SELENOP: variants seen among roughly 807,000 people sequenced by gnomAD.
SELENOP encodes the protein selenoprotein P, plasma, 1.
SELENOP carries 36 observed loss-of-function variants against 41.0 expected under a neutral mutation model. That is an observed-to-expected ratio of 0.88 (90% CI 0.67 to 1.16). SELENOP has a LOEUF of 1.16. SELENOP is among the 50% of genes most tolerant of loss of function. SELENOP has a pLI of 0.00. For missense variants in SELENOP, 440 were observed against 454.2 expected, an observed-to-expected ratio of 0.97 and a Z score of 0.28; for synonymous variants, 144 against 150.8, an observed-to-expected ratio of 0.95 and a Z score of 0.33.
chr5:42,801,714 G>A (rs773492567), intron 4 of SELENOP: 17 of 232,378 alleles, frequency 7.3e-5, no homozygotes, highest in Non-Finnish European at 1.1e-4. Context: ...CTCAGGAGTC[G>A]GAGACCAGCC....
At chr5:42,810,821 C>T in intron 1 of SELENOP, 2 of 1,008,450 alleles carry the variant, frequency 2.0e-6, no homozygotes, top group South Asian at 3.7e-5. Context: ...CACTCATTTC[C>T]CTCATTTAGG....
Position 42,800,672 on chromosome 5 carries a change from T to C in SELENOP, c.*48A>G. 6.6e-7 allele frequency: 1 copy of C among 1,513,054 alleles called. No individual in the cohort carries two copies. Among genetic ancestry groups the C allele is most frequent in the Non-Finnish European group, 8.8e-7 (1 of 1,131,520 alleles). 93.7% of individuals were successfully genotyped at this position (1,513,054 alleles called of 1,614,324 possible). ...TGGTAGTTTATAAAAATGCTGGAAA[T>C]GAAATTGTGTCTAGACTAAATTGGG... is the stretch of plus-strand genomic sequence containing the variant. On this transcript the variant is annotated 3_prime_UTR_variant, in exon 5 of 5. Coordinates refer to ENST00000514985, the MANE Select transcript of SELENOP (RefSeq NM_005410.4).
rs751175304 is a variant in SELENOP, at chr5:42,804,765, C to T, written c.425G>A (p.Arg142His). Residue 142 changes from arginine (R) to histidine (H), a missense_variant, in exon 4 of 5, where the codon CGT (arginine) becomes CAT (histidine). Transcript: ENST00000514985. ...DDFLIYDRCGRLVYHLGLPFS... is the reference protein window; with the variant it reads ...DDFLIYDRCGHLVYHLGLPFS... ...AGGCAAACCAAGATGATATACAAGA[C>T]GGCCACATCTAAGAAAAAGGACAAA... 5.7e-6 allele frequency: 9 copies of T among 1,576,180 alleles called. No individual in the cohort carries two copies. Among genetic ancestry groups the T allele is most frequent in the East Asian group, 2.3e-5 (1 of 44,402 alleles).
At chr5:42,803,530 GTTAAAAATT>G (rs1450893036) in intron 4 of SELENOP, among the ~76,000 whole-genome samples, 1 of 151,988 alleles carries the variant, frequency 6.6e-6, no homozygotes, top group African/African-American at 2.4e-5. Flanking sequence ...AATTAAATTC[GTTAAAAATT>G]TGAGGCGGCT....
chr5:42,803,291 G>T (rs993807952), intron 4 of SELENOP, among the ~76,000 whole-genome samples: 28 of 152,082 alleles, frequency 1.8e-4, no homozygotes, highest in African/African-American at 6.3e-4. Context: ...GAGAAATGCA[G>T]AAATAATCCC....
rs1053743082 is a variant in SELENOP, at chr5:42,800,127, A to G, written c.*593T>C. ...AGAAGAGTATGATACAACATTAGAGAAAGAAAGATACAAAGGCTTTATTCA... is the reference window on the plus strand; with the variant it reads ...AGAAGAGTATGATACAACATTAGAGGAAGAAAGATACAAAGGCTTTATTCA... On this transcript the variant is annotated 3_prime_UTR_variant, in exon 5 of 5. Coordinates refer to ENST00000514985, the MANE Select transcript of SELENOP (RefSeq NM_005410.4). The G allele has an allele frequency of 1.6e-5, 3 of 184,256 alleles. No homozygotes were observed. Among genetic ancestry groups the G allele is most frequent in the East Asian group, 3.1e-4 (2 of 6,434 alleles). 11.4% of individuals were successfully genotyped at this position (184,256 alleles called of 1,614,324 possible).
intron 4 of SELENOP, among the ~76,000 whole-genome samples, chr5:42,802,911 T>G (rs1760244676): frequency 6.6e-6 from 1 of 152,136 alleles, no homozygotes; most frequent in East Asian, 1.9e-4. Flanking sequence ...ACCCTGCCAG[T>G]AGTCTAATTT....
At position 42,808,251 on chromosome 5, in the gene SELENOP, T is replaced by G; in HGVS notation, c.103A>C (p.Ser35Arg). The G allele has an allele frequency of 6.3e-7, 1 of 1,577,264 alleles. No homozygotes were observed. Among genetic ancestry groups the G allele is most frequent in the East Asian group, 2.4e-5 (1 of 42,066 alleles). The change falls in exon 2 of 5, where the codon AGC (serine) becomes CGC (arginine). Residue 35 changes from serine to arginine, a missense_variant. Coordinates refer to ENST00000514985, the MANE Select transcript of SELENOP (RefSeq NM_005410.4). The part of the protein sequence containing the change: ...SSLCKQPPAW[S>R]IRDQDPMLNS... ...AGCATTGGATCTTGATCTCTTATGCTCCAGGCTGGGGGTTGCTTACATAAG... is the reference window on the plus strand; with the variant it reads ...AGCATTGGATCTTGATCTCTTATGCGCCAGGCTGGGGGTTGCTTACATAAG...
At chr5:42,807,945 T>A (rs1184586040) in intron 2 of SELENOP, 3 of 340,110 alleles carry the variant, frequency 8.8e-6, no homozygotes, top group African/African-American at 4.2e-5. Context: ...GAAGAAAAAA[T>A]TTCCATAACC....
intron 1 of SELENOP, chr5:42,809,789 CTA>C (rs959469650): frequency 1.0e-6 from 1 of 957,558 alleles, no homozygotes; most frequent in Non-Finnish European, 1.2e-6. Flanking sequence ...AAGAACTTAA[CTA>C]GAGAGAGTGA....
chr5:42,808,118 A>T (rs771654442), intron 2 of SELENOP, 33 bp downstream of exon 2: 1 of 1,172,922 alleles, frequency 8.5e-7, no homozygotes, highest in Non-Finnish European at 1.2e-6. Context: ...CCTTCCCCTT[A>T]AGGTATTTTA....
At chr5:42,801,516 T>C in intron 4 of SELENOP, 185 bp from the exon 5 acceptor site, 1 of 537,830 alleles carries the variant, frequency 1.9e-6, no homozygotes, top group Non-Finnish European at 3.2e-6. Flanking sequence ...ATTAAAGGCT[T>C]AAAAAGAAAG....
Position 42,806,934 on chromosome 5 carries a change from A to G in SELENOP, c.378T>C (p.Leu126=), listed in dbSNP as rs1463347341. The change falls in exon 3 of 5, where the codon CTT becomes CTC. Residue 126 remains leucine (L), a synonymous_variant. Transcript: ENST00000514985. ...QEENQTDVWT[L]LNGSKDDFLI... is the part of the protein sequence containing the mutation. ...GGAAGTCATCTTTGCTTCCATTTAA[A>G]AGAGTCCAGACATCTGTTTGGTTTT... 6.2e-7 allele frequency: 1 copy of G among 1,611,278 alleles called. No individual in the cohort carries two copies.
Position 42,804,692 on chromosome 5 carries a change from A to T in SELENOP, c.498T>A (p.Ala166=). 5 of 1,607,200 alleles carry T rather than the reference A, an allele frequency of 3.1e-6. No individual in the cohort carries two copies. The highest frequency in any genetic ancestry group is 4.3e-6 in the Non-Finnish European group (5 of 1,175,208). Residue 166 remains alanine (A), a synonymous_variant, in exon 4 of 5, where the codon GCT becomes GCA. Transcript: ENST00000514985. ...AGTTTCCACATTTCTTTTCACAGTA[A>T]GCAATCTTAATGGCTTCTTCTACAT... ...FPYVEEAIKI[A]YCEKKCGNCS... is the part of the protein sequence containing the mutation.
chr5:42,808,476 C>T lies in SELENOP; in HGVS notation c.-13-110G>A, dbSNP rs566211398. The T allele has an allele frequency of 5.9e-5, 24 of 405,478 alleles. No homozygotes were observed. The South Asian group carries it at 2.5e-3, about 43-fold the overall frequency. 25.1% of individuals were successfully genotyped at this position (405,478 alleles called of 1,614,324 possible). A position where few individuals can be genotyped will look rare whatever the true frequency, so the allele number is the denominator to read the frequency against. ...TTCCACTTCCTAAAAATACCTAGCC[C>T]ATGAATTCTGTCTCCAGAAAGTTAT... is the stretch of plus-strand genomic sequence containing the variant. On this transcript the variant is annotated intron_variant, in intron 1 of 4. Coordinates refer to ENST00000514985, the MANE Select transcript of SELENOP (RefSeq NM_005410.4).
intron 4 of SELENOP, 33 bp from the exon 5 acceptor site, chr5:42,801,364 GC>G (rs771705142): frequency 6.7e-7 from 1 of 1,486,402 alleles, no homozygotes; most frequent in Non-Finnish European, 9.1e-7. Flanking sequence ...TTTTTAACAA[GC>G]TTATAGAGAT....
intron 3 of SELENOP, chr5:42,805,725 G>A (rs1272496034): frequency 3.9e-5 from 6 of 152,146 alleles, no homozygotes; most frequent in African/African-American, 1.4e-4. Flanking sequence ...GGTTAGAATT[G>A]TACAGGATAT....
At chr5:42,809,440 T>G (rs374811174) in intron 1 of SELENOP, among the ~76,000 whole-genome samples, 15 of 152,298 alleles carry the variant, frequency 9.8e-5, no homozygotes, top group African/African-American at 3.6e-4. Flanking sequence ...AGGAACACAT[T>G]CAGCAGAGAG....
chr5:42,802,843 T>A (rs1024598842), intron 4 of SELENOP, among the ~76,000 whole-genome samples: 17 of 152,198 alleles, frequency 1.1e-4, no homozygotes, highest in Non-Finnish European at 8.8e-5. Context: ...TCTATTGACC[T>A]CGTGATTCAT....
Sources: allele counts gnomAD v4.1 joint callset (sites outside exome capture counted in the v4.1 genomes callset), GRCh38; gene constraint gnomAD v4.1.1; transcripts MANE v1.5; gene names NCBI Gene and HGNC (gene_info 2026-07-23, HGNC 2026-07-21).